Variants in PCDH7 observed in about 807,000 individuals in gnomAD.
The protein encoded by PCDH7 is protocadherin 7, also known as protocadherin-7.
A neutral mutation model predicts 58.9 loss-of-function variants in PCDH7; 17 were observed. That is an observed-to-expected ratio of 0.29 (90% CI 0.20 to 0.43). The LOEUF (loss-of-function observed/expected upper bound fraction) is 0.43, where lower values mean the gene tolerates loss of function less well. Among genes scored for constraint, PCDH7 ranks in the 20% least tolerant of loss-of-function variants. PCDH7 has a pLI of 1.00. For missense variants in PCDH7, 1,274 were observed against 1,441.0 expected (o/e 0.88, Z 1.88); for synonymous variants, 664 against 616.4 (o/e 1.08, Z -1.14).
chr4:30,773,162 C>T (rs1358807166), intron 1 of PCDH7, among the ~76,000 whole-genome samples: 1 of 152,200 alleles, frequency 6.6e-6, no homozygotes, highest in Non-Finnish European at 1.5e-5. Flanking sequence ...CTTGGCCTCC[C>T]AAAATGTTGG....
Position 30,723,324 on chromosome 4 carries a change from C to T in PCDH7, c.1902C>T (p.Asp634=). The T allele has an allele frequency of 6.2e-7, 1 of 1,614,236 alleles. No homozygotes were observed. The highest frequency in any genetic ancestry group is 1.7e-4 in the Middle Eastern group (1 of 6,060). The stretch of plus-strand genomic sequence containing the variant: ...TTGTGCAGGTGGCTGATAAAAATGA[C>T]AATGACCCTAAGTTTATGCAGGACG... Residue 634 remains aspartate, a synonymous_variant, in exon 1 of 2, where the codon GAC becomes GAT. Transcript: ENST00000361762. This position sits in a 1 kb window ranked among gnomAD's most constrained non-coding sequence, Gnocchi z 4.6.
intron 1 of PCDH7, among the ~76,000 whole-genome samples, chr4:30,780,997 G>C (rs536257094): frequency 6.6e-6 from 1 of 152,236 alleles, no homozygotes; most frequent in African/African-American, 2.4e-5. Context: ...AGCCAAGTAA[G>C]TAAAACTATA....
chr4:30,875,981 C>G (rs1245738307), intron 1 of PCDH7, among the ~76,000 whole-genome samples: 1 of 152,040 alleles, frequency 6.6e-6, no homozygotes, highest in Non-Finnish European at 1.5e-5. Context: ...TAAGTAGTTT[C>G]TGAGGTCATG....
intron 1 of PCDH7, among the ~76,000 whole-genome samples, chr4:30,794,788 G>T (rs1204410638): frequency 6.6e-6 from 1 of 151,780 alleles, no homozygotes; most frequent in African/African-American, 2.4e-5. Flanking sequence ...GAATAAATTT[G>T]TAATTTGTGA....
intron 3 of PCDH7, among the ~76,000 whole-genome samples, chr4:31,019,041 A>G (rs556181495): frequency 6.6e-6 from 1 of 152,320 alleles, no homozygotes; most frequent in South Asian, 2.1e-4. Context: ...GTTCAGAAAT[A>G]TGTATCACAG....
intron 3 of PCDH7, among the ~76,000 whole-genome samples, chr4:31,039,490 G>T (rs1385503660): frequency 6.6e-6 from 1 of 152,060 alleles, no homozygotes; most frequent in Non-Finnish European, 1.5e-5. Context: ...TTGAATTCCT[G>T]AGCTCACACG....
chr4:30,798,225 G>GC (rs1430791249), intron 1 of PCDH7, among the ~76,000 whole-genome samples: 1 of 152,180 alleles, frequency 6.6e-6, no homozygotes, highest in Non-Finnish European at 1.5e-5. Context: ...GAGTCAGACA[G>GC]CAGAGGTCTT....
chr4:30,931,822 A>C (rs74611427), intron 2 of PCDH7, among the ~76,000 whole-genome samples: 1 of 68,688 alleles, frequency 1.5e-5, no homozygotes, highest in Non-Finnish European at 2.7e-5. Flanking sequence ...ATTTTTCAGG[A>C]CTTTTTTTTT....
At chr4:30,903,535 TA>T (rs1740501961) in intron 1 of PCDH7, among the ~76,000 whole-genome samples, 1 of 152,152 alleles carries the variant, frequency 6.6e-6, no homozygotes, top group Admixed American at 6.5e-5. Flanking sequence ...TTCAGTCATT[TA>T]TAGAGCACTC....
intron 2 of PCDH7, among the ~76,000 whole-genome samples, chr4:30,932,150 A>C (rs1401854989): frequency 2.0e-5 from 3 of 152,200 alleles, no homozygotes; most frequent in Admixed American, 6.5e-5. Flanking sequence ...ATACTATGTA[A>C]GTAGGTGTGC....
intron 1 of PCDH7, among the ~76,000 whole-genome samples, chr4:30,869,524 A>G (rs1479589247): frequency 6.6e-6 from 1 of 152,118 alleles, no homozygotes; most frequent in Non-Finnish European, 1.5e-5. Context: ...ATGAATGAGA[A>G]CATGTGGTGT....
chr4:30,965,391 GA>G (rs1278258811), intron 3 of PCDH7, among the ~76,000 whole-genome samples: 3 of 151,894 alleles, frequency 2.0e-5, no homozygotes, highest in Non-Finnish European at 4.4e-5. Context: ...TAATTTTAGA[GA>G]ACAAGAAATT....
chr4:30,824,424 A>G (rs949597491), intron 1 of PCDH7, among the ~76,000 whole-genome samples: 1 of 152,122 alleles, frequency 6.6e-6, no homozygotes, highest in African/African-American at 2.4e-5. Flanking sequence ...TCCTTTAAAA[A>G]TGAATACACT....
intron 3 of PCDH7, among the ~76,000 whole-genome samples, chr4:31,062,286 A>G (rs1196670608): frequency 6.6e-6 from 1 of 151,712 alleles, no homozygotes; most frequent in Non-Finnish European, 1.5e-5. Flanking sequence ...ATTGCATTCT[A>G]TCTCTATTTC....
At chr4:31,068,645 C>T (rs537167872) in intron 3 of PCDH7, among the ~76,000 whole-genome samples, 37 of 151,954 alleles carry the variant, frequency 2.4e-4, no homozygotes, top group Non-Finnish European at 4.3e-4. Context: ...GTGACCTACC[C>T]GAATGTCCCC....
chr4:30,851,809 T>G (rs1732791484), intron 1 of PCDH7, among the ~76,000 whole-genome samples: 1 of 152,052 alleles, frequency 6.6e-6, no homozygotes, highest in South Asian at 2.1e-4. Context: ...GATGGTAAAC[T>G]CGATGGAAAG....
At chr4:31,042,018 G>A (rs1357231277) in intron 3 of PCDH7, among the ~76,000 whole-genome samples, 1 of 152,152 alleles carries the variant, frequency 6.6e-6, no homozygotes, top group Non-Finnish European at 1.5e-5. Context: ...AATCCAGGCA[G>A]CATTCCCTCT....
At chr4:30,728,292 TATATAGAGAGAGAG>T (rs1446649598) in intron 1 of PCDH7, among the ~76,000 whole-genome samples, 2 of 99,120 alleles carry the variant, frequency 2.0e-5, no homozygotes, top group Non-Finnish European at 4.4e-5. Context: ...TATATATATA[TATATAGAGAGAGAG>T]AGAGAGAGAG....
intron 2 of PCDH7, among the ~76,000 whole-genome samples, chr4:30,940,608 G>A (rs1745912924): frequency 6.6e-6 from 1 of 151,868 alleles, no homozygotes; most frequent in South Asian, 2.1e-4. Context: ...TGAAATTCTT[G>A]TGGCATATGG....
Sources: allele counts gnomAD v4.1 joint callset (sites outside exome capture counted in the v4.1 genomes callset), GRCh38; gene constraint gnomAD v4.1.1; non-coding constraint Gnocchi (gnomAD v3.1); transcripts MANE v1.5; gene names NCBI Gene and HGNC (gene_info 2026-07-23, HGNC 2026-07-21).